Variants in LPP observed in about 807,000 individuals in gnomAD.
LPP encodes the protein lipoma-preferred partner.
Under a neutral mutation model 60.4 loss-of-function variants are expected in LPP, and 38 were observed. That is an observed-to-expected ratio of 0.63 (90% CI 0.49 to 0.83). The LOEUF is 0.83. LPP is among the 40% of genes least tolerant of loss of function. LPP has a pLI of 0.00. For missense variants in LPP, 902 were observed against 783.6 expected (o/e 1.15, Z -1.80); for synonymous variants, 328 against 290.8 (o/e 1.13, Z -1.30).
chr3:188,849,971 C>A (rs925077114), intron 9 of LPP, among the ~76,000 whole-genome samples: 1 of 152,214 alleles, frequency 6.6e-6, no homozygotes, highest in African/African-American at 2.4e-5. Context: ...TAGATACATA[C>A]TCTGTTCATT....
chr3:188,272,986 G>A (rs1560185338), intron 2 of LPP, among the ~76,000 whole-genome samples: 1 of 152,222 alleles, frequency 6.6e-6, no homozygotes, highest in East Asian at 1.9e-4. Flanking sequence ...AACGAGCAAA[G>A]CGATGCTGAA....
At chr3:188,606,493 G>A (rs962322036) in intron 6 of LPP, among the ~76,000 whole-genome samples, 5 of 151,808 alleles carry the variant, frequency 3.3e-5, no homozygotes, top group African/African-American at 1.2e-4. Context: ...TGTTTTTTTG[G>A]ATATTCGTCT....
intron 7 of LPP, among the ~76,000 whole-genome samples, chr3:188,667,218 C>A (rs1384201041): frequency 2.0e-5 from 3 of 152,184 alleles, no homozygotes; most frequent in Non-Finnish European, 4.4e-5. Context: ...ATGGCTCACG[C>A]CTGTAATCCC....
intron 3 of LPP, among the ~76,000 whole-genome samples, chr3:188,365,198 C>T (rs1340340661): frequency 6.7e-6 from 1 of 148,500 alleles, no homozygotes; most frequent in Admixed American, 6.7e-5. Flanking sequence ...AATATTAAAA[C>T]CACTCTTGTC....
chr3:188,220,144 G>A (rs1715226123), intron 1 of LPP, among the ~76,000 whole-genome samples: 1 of 152,152 alleles, frequency 6.6e-6, no homozygotes, highest in Admixed American at 6.6e-5. Flanking sequence ...TGATACAATA[G>A]GTGCTCCCCC....
chr3:188,391,331 G>GGT (rs1329132863), intron 3 of LPP, among the ~76,000 whole-genome samples: 2 of 152,256 alleles, frequency 1.3e-5, no homozygotes, highest in African/African-American at 4.8e-5. Flanking sequence ...GACGGCACTG[G>GGT]GTGTGCTCTG....
chr3:188,525,074 C>A (rs1388416867), intron 6 of LPP, among the ~76,000 whole-genome samples: 1 of 150,844 alleles, frequency 6.6e-6, no homozygotes, highest in Admixed American at 6.6e-5. Context: ...TCAAGCAATT[C>A]TCCTGCATCA....
intron 5 of LPP, among the ~76,000 whole-genome samples, chr3:188,507,216 C>T (rs1813775921): frequency 6.6e-6 from 1 of 152,158 alleles, no homozygotes; most frequent in Non-Finnish European, 1.5e-5. Context: ...ACTATGAAGT[C>T]TGTATACTTA....
At chr3:188,807,205 A>G (rs909111326) in intron 9 of LPP, among the ~76,000 whole-genome samples, 1 of 151,884 alleles carries the variant, frequency 6.6e-6, no homozygotes, top group South Asian at 2.1e-4. Context: ...TCTGCTGTCA[A>G]TGTCTTTCTT....
At chr3:188,523,327 A>G (rs933843) in intron 5 of LPP, among the ~76,000 whole-genome samples, 124,274 of 152,116 alleles carry the variant, frequency 0.82, 50,844 homozygotes, top group East Asian at 0.94. Context: ...GCTTGAGAGA[A>G]ATCAGGCCCA....
At chr3:188,467,234 A>G (rs1800711385) in intron 4 of LPP, among the ~76,000 whole-genome samples, 1 of 152,114 alleles carries the variant, frequency 6.6e-6, no homozygotes, top group Admixed American at 6.6e-5. Flanking sequence ...TAGCAAGATT[A>G]TAGTTACAAA....
At chr3:188,216,803 T>C (rs1167591446) in intron 1 of LPP, among the ~76,000 whole-genome samples, 4 of 152,222 alleles carry the variant, frequency 2.6e-5, no homozygotes, top group African/African-American at 7.2e-5. Context: ...AGAAAGCTTG[T>C]CCAAACCGCT....
At chr3:188,782,716 C>A (rs1740209517) in intron 9 of LPP, among the ~76,000 whole-genome samples, 1 of 151,506 alleles carries the variant, frequency 6.6e-6, no homozygotes, top group South Asian at 2.1e-4. Context: ...CTTTTGCTTG[C>A]CAGAACAGCT....
intron 1 of LPP, among the ~76,000 whole-genome samples, chr3:188,172,695 T>C (rs968650397): frequency 2.0e-5 from 3 of 152,198 alleles, no homozygotes; most frequent in African/African-American, 7.2e-5. Context: ...CTTACATTAC[T>C]ATGGAACGTT....
In LPP at chr3:188,889,452, A is replaced by G. The variant is rs572083495; in HGVS notation, c.*14973A>G. On this transcript the variant is annotated 3_prime_UTR_variant, in exon 12 of 12. Coordinates refer to ENST00000617246, the MANE Select transcript of LPP (RefSeq NM_001375462.1). ...AACCAGCTGGCAGATTACACTTGCC[A>G]AGTCGTTCCCTTTCCTTCTAAGTCA... The G allele has an allele frequency of 4.3e-6, 1 of 231,702 alleles. No homozygotes were observed. Among genetic ancestry groups the G allele is most frequent in the South Asian group, 1.8e-4 (1 of 5,514 alleles). 14.4% of individuals were successfully genotyped at this position (231,702 alleles called of 1,614,324 possible).
At chr3:188,512,992 C>G (rs1260966527) in intron 5 of LPP, among the ~76,000 whole-genome samples, 2 of 152,086 alleles carry the variant, frequency 1.3e-5, no homozygotes. Flanking sequence ...ATCTCCAGCC[C>G]CCTCACCACA....
chr3:188,574,601 C>T (rs931071827), intron 6 of LPP, among the ~76,000 whole-genome samples: 2 of 152,102 alleles, frequency 1.3e-5, no homozygotes, highest in Admixed American at 6.6e-5. Context: ...CATGTTCTTG[C>T]TCTCAAACTT....
chr3:188,388,430 G>T (rs1342375911), intron 3 of LPP, among the ~76,000 whole-genome samples: 3 of 152,130 alleles, frequency 2.0e-5, no homozygotes, highest in African/African-American at 7.2e-5. Flanking sequence ...ATGAGCAACT[G>T]GGACCATCCT....
At chr3:188,535,390 G>C (rs935556126) in intron 6 of LPP, among the ~76,000 whole-genome samples, 3 of 152,102 alleles carry the variant, frequency 2.0e-5, no homozygotes, top group African/African-American at 7.2e-5. Flanking sequence ...AAGTCCCTGA[G>C]GCAAGGTTAT....
Sources: gnomAD v4.1 joint callset for allele counts (sites outside exome capture counted in the v4.1 genomes callset) on GRCh38, gnomAD v4.1.1 for gene constraint, MANE v1.5 for transcripts, NCBI Gene and HGNC (gene_info 2026-07-23, HGNC 2026-07-21) for gene names.